The following NSUN6 variants were observed in gnomAD, a reference collection of about 807,000 sequenced individuals.
NSUN6 encodes the protein NOP2/Sun RNA methyltransferase 6.
In NSUN6, 64 loss-of-function variants were observed where a neutral mutation model predicts 58.0. That is an observed-to-expected ratio of 1.10 (90% CI 0.90 to 1.36). NSUN6 has a LOEUF of 1.36. NSUN6 is among the 40% of genes most tolerant of loss of function. The pLI, the probability that NSUN6 is intolerant of heterozygous loss-of-function variation, is 0.00. For synonymous variants in NSUN6, 231 were observed against 193.9 expected, an observed-to-expected ratio of 1.19 and a Z score of -1.59; for missense variants, 701 against 550.1, an observed-to-expected ratio of 1.27 and a Z score of -2.74.
intron 10 of NSUN6, among the ~76,000 whole-genome samples, chr10:18,547,770 T>C (rs1336087420): frequency 1.3e-5 from 2 of 150,716 alleles, no homozygotes; most frequent in Non-Finnish European, 2.9e-5. Flanking sequence ...CTCAACATTT[T>C]CCATGTCAGA....
chr10:18,652,568 TC>T (rs2059727770), upstream of NSUN6: 7 of 930,894 alleles, frequency 7.5e-6, no homozygotes, highest in South Asian at 9.9e-5. Context: ...TTTTCTCTGC[TC>T]TTTTTTTTTT....
rs2059703249 is a variant in NSUN6 at position 18,651,436 on chromosome 10, TAG to T, written c.-235_-234del. 1 of 1,221,342 alleles carries T rather than the reference TAG, an allele frequency of 8.2e-7. No individual in the cohort carries two copies. Among genetic ancestry groups the T allele is most frequent in the African/African-American group, 1.6e-5 (1 of 63,666 alleles). The allele number at this position is 1,221,342 out of a possible 1,614,324, so 75.7% of individuals were successfully genotyped here. A position where few individuals can be genotyped will look rare whatever the true frequency, so the allele number is the denominator to read the frequency against. The stretch of plus-strand genomic sequence containing the variant: ...ACCTCATCGAGGCAATGTTTTCTGG[TAG>T]AGATGCTCATGGAAATCACTGAGCC... On this transcript the variant is annotated 5_prime_UTR_variant, in exon 1 of 11. An upstream open reading frame in the 5' UTR gains an earlier in-frame stop. Transcript: ENST00000377304.
chr10:18,571,399 T>C (rs541111925), intron 8 of NSUN6, among the ~76,000 whole-genome samples: 1 of 151,372 alleles, frequency 6.6e-6, no homozygotes, highest in African/African-American at 2.4e-5. Context: ...CCATTCTACA[T>C]TCCATTCCAT....
rs2059703310 is a variant in NSUN6 at position 18,651,438 on chromosome 10, G to C, written c.-235C>G. Reference sequence around the variant, plus strand: ...CTCATCGAGGCAATGTTTTCTGGTAGAGATGCTCATGGAAATCACTGAGCC... The same window carrying C: ...CTCATCGAGGCAATGTTTTCTGGTACAGATGCTCATGGAAATCACTGAGCC... On this transcript the variant is annotated 5_prime_UTR_variant, in exon 1 of 11. Transcript: ENST00000377304. The C allele has an allele frequency of 2.5e-6, 3 of 1,219,772 alleles. No homozygotes were observed. Among genetic ancestry groups the C allele is most frequent in the Non-Finnish European group, 3.1e-6 (3 of 978,858 alleles). 75.6% of individuals were successfully genotyped at this position (1,219,772 alleles called of 1,614,324 possible).
chr10:18,632,127 C>G (rs2059053265), intron 3 of NSUN6, among the ~76,000 whole-genome samples: 2 of 151,702 alleles, frequency 1.3e-5, no homozygotes. Flanking sequence ...TGATCTTTGA[C>G]AAACCTGAGA....
At chr10:18,608,646 A>AAG (rs1421315210) in intron 6 of NSUN6, among the ~76,000 whole-genome samples, 1 of 151,778 alleles carries the variant, frequency 6.6e-6, no homozygotes, top group Non-Finnish European at 1.5e-5. Context: ...CTCAAAAAAA[A>AAG]AAAAAAAAAC....
chr10:18,643,664 T>C (rs1474875826), intron 2 of NSUN6, among the ~76,000 whole-genome samples: 1 of 151,920 alleles, frequency 6.6e-6, no homozygotes, highest in Non-Finnish European at 1.5e-5. Flanking sequence ...TCCACCTCAA[T>C]CAATCAAATC....
chr10:18,633,175 A>G (rs1342683551), intron 3 of NSUN6, among the ~76,000 whole-genome samples: 1 of 151,202 alleles, frequency 6.6e-6, no homozygotes, highest in African/African-American at 2.4e-5. Context: ...CAAACACCGC[A>G]TATTCTCACT....
chr10:18,563,479 G>A (rs1459554185), intron 8 of NSUN6, among the ~76,000 whole-genome samples: 1 of 151,120 alleles, frequency 6.6e-6, no homozygotes, highest in African/African-American at 2.4e-5. Flanking sequence ...GGTATGGAAT[G>A]GAGAATGGAA....
chr10:18,612,284 A>T (rs1452983501), intron 5 of NSUN6, among the ~76,000 whole-genome samples: 1 of 152,118 alleles, frequency 6.6e-6, no homozygotes, highest in African/African-American at 2.4e-5. Flanking sequence ...TCAGCTGATC[A>T]TGGTGTCATG....
At chr10:18,571,380 C>T (rs2056351062) in intron 8 of NSUN6, among the ~76,000 whole-genome samples, 1 of 151,448 alleles carries the variant, frequency 6.6e-6, no homozygotes, top group Non-Finnish European at 1.5e-5. Context: ...GTTCAATCTC[C>T]ATTCCATTCC....
intron 6 of NSUN6, among the ~76,000 whole-genome samples, chr10:18,602,683 G>A (rs1295573901): frequency 6.6e-6 from 1 of 152,084 alleles, no homozygotes; most frequent in African/African-American, 2.4e-5. Flanking sequence ...GGTGGGTTTT[G>A]CATACTCACG....
intron 8 of NSUN6, among the ~76,000 whole-genome samples, chr10:18,582,155 T>C (rs761402277): frequency 8.5e-5 from 13 of 152,194 alleles, no homozygotes; most frequent in Non-Finnish European, 1.9e-4. Flanking sequence ...TGAGATCTTA[T>C]CAGAATGCTG....
chr10:18,610,461 TTACA>T (rs1207190887), intron 5 of NSUN6, among the ~76,000 whole-genome samples: 2 of 152,212 alleles, frequency 1.3e-5, no homozygotes, highest in African/African-American at 4.8e-5. Flanking sequence ...AAGGAAAAAG[TTACA>T]TAAATTTTTC....
At chr10:18,626,865 T>A (rs1277625909) in intron 3 of NSUN6, among the ~76,000 whole-genome samples, 6 of 152,216 alleles carry the variant, frequency 3.9e-5, no homozygotes, top group Admixed American at 3.3e-4. Flanking sequence ...TTGAATTACA[T>A]ATTCAATTGT....
At chr10:18,559,706 G>A (rs2055332625) in intron 8 of NSUN6, among the ~76,000 whole-genome samples, 1 of 151,196 alleles carries the variant, frequency 6.6e-6, no homozygotes, top group Non-Finnish European at 1.5e-5. Context: ...GGAATGCAAT[G>A]AAGAATGAAA....
chr10:18,608,771 G>A lies in NSUN6; in HGVS notation c.657+1074C>T, dbSNP rs76852404. 4.5e-3 allele frequency among the ~76,000 whole-genome samples: 678 copies of A among 152,102 alleles called. 5 individuals are homozygous for A. The highest frequency in any genetic ancestry group is 0.012 in the African/African-American group (514 of 41,490). On this transcript the variant is annotated intron_variant, in intron 6 of 10. Coordinates refer to ENST00000377304, the MANE Select transcript of NSUN6 (RefSeq NM_182543.5). Reference sequence around the variant, plus strand: ...ATCACTAGCAATGACTCAGGGCTACGTTGCCAAATGAACACAAGTGTTTGA... The same window carrying A: ...ATCACTAGCAATGACTCAGGGCTACATTGCCAAATGAACACAAGTGTTTGA...
chr10:18,643,352 A>G (rs944049439), intron 2 of NSUN6, among the ~76,000 whole-genome samples: 5 of 151,814 alleles, frequency 3.3e-5, no homozygotes, highest in African/African-American at 1.2e-4. Context: ...GGCAGCACGC[A>G]AATATCTGAC....
intron 6 of NSUN6, among the ~76,000 whole-genome samples, chr10:18,596,614 A>AAAAT (rs1273468919): frequency 6.6e-6 from 1 of 152,164 alleles, no homozygotes; most frequent in Non-Finnish European, 1.5e-5. Context: ...GTACCAGCAA[A>AAAAT]AAATAAATAA....
Sources: allele counts gnomAD v4.1 joint callset (sites outside exome capture counted in the v4.1 genomes callset), GRCh38; gene constraint gnomAD v4.1.1; transcripts MANE v1.5; gene names NCBI Gene and HGNC (gene_info 2026-07-23, HGNC 2026-07-21).